Variants in C22orf42 observed in about 807,000 individuals in gnomAD.
C22orf42 encodes chromosome 22 open reading frame 42, also known as uncharacterized protein C22orf42.
A neutral mutation model predicts 31.4 loss-of-function variants in C22orf42; 24 were observed. The ratio of observed to expected loss-of-function variants is 0.77; its 90% CI spans 0.55 to 1.08. C22orf42 has a LOEUF of 1.08. Ranked by LOEUF, C22orf42 falls within the 50% of genes least tolerant of loss-of-function variation. The pLI is 0.00. For synonymous variants in C22orf42, 96 were observed against 112.7 expected (o/e 0.85, Z 0.94); for missense variants, 276 against 327.3 (o/e 0.84, Z 1.21).
rs1214922115 is a variant in C22orf42 at position 32,159,074 on chromosome 22, G to T, written c.142C>A (p.Pro48Thr). Residue 48 changes from proline (P) to threonine (T), a missense_variant, in exon 1 of 9, where the codon CCT becomes ACT. Physicochemically the swap from Pro to Thr is conservative, Grantham distance 38. Transcript: ENST00000382097. The stretch of plus-strand genomic sequence containing the variant: ...TTAGCTTTCAAATCCAATTTGGCAG[G>T]CTTTGCAGTGGTGGATGCTGGTGCT... Reference protein sequence around the residue: ...ATAPASTTAKPAKLDLKAKKA... With the variant: ...ATAPASTTAKTAKLDLKAKKA... 1 of 1,614,222 alleles carries T rather than the reference G, an allele frequency of 6.2e-7. No individual in the cohort carries two copies. The highest frequency in any genetic ancestry group is 8.5e-7 in the Non-Finnish European group (1 of 1,180,042).
intron 1 of C22orf42, among the ~76,000 whole-genome samples, chr22:32,155,700 A>C (rs1921222220): frequency 6.6e-6 from 1 of 151,920 alleles, no homozygotes; most frequent in African/African-American, 2.4e-5. Context: ...CCATTTATAG[A>C]TTTGTTAATA....
chr22:32,151,981 A>T, intron 4 of C22orf42, 86 bp downstream of exon 4: 1 of 1,354,576 alleles, frequency 7.4e-7, no homozygotes, highest in South Asian at 1.3e-5. Context: ...ATATAGTAAA[A>T]ACGCTGAATC....
intron 1 of C22orf42, among the ~76,000 whole-genome samples, chr22:32,156,508 A>C (rs983476701): frequency 6.5e-5 from 9 of 138,368 alleles, no homozygotes; most frequent in African/African-American, 2.5e-4. Flanking sequence ...TACCCACTGA[A>C]GTTAAGGAGA....
At chr22:32,154,389 G>T (rs1921148517) in intron 1 of C22orf42, 71 bp from the exon 2 acceptor site, 1 of 1,541,002 alleles carries the variant, frequency 6.5e-7, no homozygotes, top group Non-Finnish European at 8.8e-7. Context: ...TTGACATGTT[G>T]CTGGCAGAGG....
intron 3 of C22orf42, among the ~76,000 whole-genome samples, chr22:32,152,355 A>G (rs1921009392): frequency 6.6e-6 from 1 of 152,196 alleles, no homozygotes; most frequent in South Asian, 2.1e-4. Flanking sequence ...TACACTCACT[A>G]CCAAACAGTT....
chr22:32,158,397 A>G (rs376677238), intron 1 of C22orf42, among the ~76,000 whole-genome samples: 1 of 152,242 alleles, frequency 6.6e-6, no homozygotes, highest in East Asian at 1.9e-4. Context: ...ATTTCTTTAC[A>G]GCTCTGGCAC....
Position 32,151,946 on chromosome 22 carries a change from G to C in C22orf42, c.400+121C>G, listed in dbSNP as rs144766464. The C allele has an allele frequency of 4.2e-4, 415 of 997,574 alleles. No individual in the cohort carries two copies. The African/African-American group carries it at 5.7e-3, about 14-fold the overall frequency. The allele number at this position is 997,574 out of a possible 1,614,324, so 61.8% of individuals were successfully genotyped here. A position where few individuals can be genotyped will look rare whatever the true frequency, so the allele number is the denominator to read the frequency against. ...AATAAAGAGGTTCTAAGATTAGATT[G>C]TAAAATGGTTGCACAACCCTGTGAA... On this transcript the variant is annotated intron_variant, in intron 4 of 8. Transcript: ENST00000382097.
chr22:32,152,849 A>G (rs1427608999), intron 2 of C22orf42, among the ~76,000 whole-genome samples: 2 of 152,222 alleles, frequency 1.3e-5, no homozygotes, highest in Non-Finnish European at 2.9e-5. Flanking sequence ...AACCTCATCA[A>G]TGTCACCTTA....
chr22:32,149,706 T>C, intron 8 of C22orf42, 47 bp downstream of exon 8: 1 of 1,182,954 alleles, frequency 8.5e-7, no homozygotes, highest in Non-Finnish European at 1.1e-6. Flanking sequence ...TATCTATATC[T>C]ATATCTACAT....
At chr22:32,153,145 A>C (rs774899546) in intron 2 of C22orf42, among the ~76,000 whole-genome samples, 1 of 152,232 alleles carries the variant, frequency 6.6e-6, no homozygotes, top group Non-Finnish European at 1.5e-5. Flanking sequence ...AATGAGAAAT[A>C]TCTAAATTCA....
intron 1 of C22orf42, among the ~76,000 whole-genome samples, chr22:32,155,944 GAGGATCGTTTGTGCCA>G (rs1366787447): frequency 6.6e-6 from 1 of 152,172 alleles, no homozygotes; most frequent in Non-Finnish European, 1.5e-5. Context: ...ACTGACGTGG[GAGGATCGTTTGTGCCA>G]AGGAGTTTGA....
rs1453994368 is a variant in C22orf42 at position 32,159,187 on chromosome 22, C to T, written c.29G>A (p.Gly10Asp). The change falls in exon 1 of 9, where the codon GGC (glycine) becomes GAC (aspartate). Residue 10 changes from glycine to aspartate, a missense_variant. By Grantham distance (94) the Gly-to-Asp change is moderately conservative. Coordinates refer to ENST00000382097, the MANE Select transcript of C22orf42 (RefSeq NM_001010859.3). MGSKLTCCL[G>D]PSGGLNCDCC... ...GTCACAGTTGAGGCCCCCGCTGGGG[C>T]CCAGGCAGCAAGTCAGTTTGCTCCC... 1 of 1,613,760 alleles carries T rather than the reference C, an allele frequency of 6.2e-7. No individual in the cohort carries two copies. The highest frequency in any genetic ancestry group is 1.7e-5 in the Admixed American group (1 of 59,996).
At chr22:32,153,304 AAGATCAGTAATGTTGAT>A (rs1329784790) in intron 2 of C22orf42, among the ~76,000 whole-genome samples, 1 of 152,216 alleles carries the variant, frequency 6.6e-6, no homozygotes, top group Non-Finnish European at 1.5e-5. Flanking sequence ...GTTCTTTGAA[AAGATCAGTAATGTTGAT>A]AAACCTCTAC....
chr22:32,155,772 G>A (rs1379568005), intron 1 of C22orf42, among the ~76,000 whole-genome samples: 2 of 152,202 alleles, frequency 1.3e-5, no homozygotes, highest in African/African-American at 2.4e-5. Context: ...CTGGCACATG[G>A]CTGTAGTCCT....
At position 32,159,231 on chromosome 22, in the gene C22orf42, A is replaced by AT. The variant is rs1287030095; in HGVS notation, c.-17_-16insA. On this transcript the variant is annotated 5_prime_UTR_variant, in exon 1 of 9. It adds an upstream start codon to the 5' untranslated region. Coordinates refer to ENST00000382097, the MANE Select transcript of C22orf42 (RefSeq NM_001010859.3). ...TGCTCCCCATTGGGCACCTAAACACACAAAAAAGTCCAAGAGGCACAAGGA... is the reference window on the plus strand; with the variant it reads ...TGCTCCCCATTGGGCACCTAAACACATCAAAAAAGTCCAAGAGGCACAAGGA... 11 of 1,610,662 alleles carry AT rather than the reference A, an allele frequency of 6.8e-6. 1 individual carries two copies. The African/African-American group carries it at 1.1e-4, about 16-fold the overall frequency.
intron 4 of C22orf42, 145 bp from the exon 5 acceptor site, chr22:32,151,696 T>C: frequency 1.3e-6 from 1 of 783,572 alleles, no homozygotes; most frequent in East Asian, 2.5e-5. Context: ...CCATTCTCCT[T>C]GGTGCTGAAG....
chr22:32,152,240 G>A (rs1157521886), intron 3 of C22orf42, 146 bp from the exon 4 acceptor site: 11 of 933,824 alleles, frequency 1.2e-5, no homozygotes, highest in South Asian at 4.8e-5. Flanking sequence ...AAGCATAGAG[G>A]ATGCTTGTGG....
upstream of C22orf42, chr22:32,160,042 G>C (rs1261038664): frequency 6.6e-6 from 1 of 152,220 alleles, no homozygotes; most frequent in Non-Finnish European, 1.5e-5. Context: ...ATTTGATGAA[G>C]ATGAACAGTA....
chr22:32,156,959 C>T (rs1182143125), intron 1 of C22orf42, among the ~76,000 whole-genome samples: 1 of 152,200 alleles, frequency 6.6e-6, no homozygotes, highest in East Asian at 1.9e-4. Flanking sequence ...GCAATATATG[C>T]ATGCAACTTT....
Sources: allele counts gnomAD v4.1 joint callset (sites outside exome capture counted in the v4.1 genomes callset), GRCh38; gene constraint gnomAD v4.1.1; transcripts MANE v1.5; gene names NCBI Gene and HGNC (gene_info 2026-07-23, HGNC 2026-07-21).